The following LRRC37A2 variants were observed in gnomAD, a reference collection of about 807,000 sequenced individuals.
LRRC37A2 encodes leucine-rich repeat-containing protein 37A2.
A neutral mutation model predicts 68.8 loss-of-function variants in LRRC37A2; 9 were observed. The observed-to-expected ratio is 0.13, with a 90% CI of 0.08 to 0.23. The LOEUF (loss-of-function observed/expected upper bound fraction) is 0.23, where lower values mean the gene tolerates loss of function less well. Ranked by LOEUF, LRRC37A2 falls within the 10% of genes least tolerant of loss-of-function variation. LRRC37A2 has a pLI of 1.00. For missense variants in LRRC37A2, 168 were observed against 950.4 expected (o/e 0.18, Z 10.82); for synonymous variants, 63 against 367.6 (o/e 0.17, Z 9.48).
At chr17:46,675,682 G>C in the LRRC37A2 span, among the ~76,000 whole-genome samples, 3 of 135,576 alleles carry the variant, frequency 2.2e-5, no homozygotes, top group Non-Finnish European at 4.5e-5. Context: ...TATTGGTTCT[G>C]TTTGTCTGTT....
intron 11 of LRRC37A2, among the ~76,000 whole-genome samples, chr17:46,552,979 CA>C (rs1205184094): frequency 1.4e-5 from 2 of 142,106 alleles, no homozygotes; most frequent in African/African-American, 5.6e-5. Flanking sequence ...CACTGGAGCC[CA>C]GGAGGTTGAG....
At chr17:46,776,369 T>C in the LRRC37A2 span, among the ~76,000 whole-genome samples, 1 of 152,256 alleles carries the variant, frequency 6.6e-6, no homozygotes, top group Non-Finnish European at 1.5e-5. Flanking sequence ...AGTGATCATA[T>C]AATCCCTGTG....
chr17:46,496,438 T>TA, the LRRC37A2 span, among the ~76,000 whole-genome samples: 1 of 148,622 alleles, frequency 6.7e-6, no homozygotes, highest in Non-Finnish European at 1.5e-5. Flanking sequence ...ACCCCATCTC[T>TA]ACTAAAAAGA....
At chr17:46,993,322 T>G in the LRRC37A2 span, among the ~76,000 whole-genome samples, 1 of 152,180 alleles carries the variant, frequency 6.6e-6, no homozygotes, top group Non-Finnish European at 1.5e-5. Flanking sequence ...AGGTTTTCCT[T>G]GGTGAGGAAG....
At chr17:46,956,839 G>A in the LRRC37A2 span, among the ~76,000 whole-genome samples, 19 of 152,178 alleles carry the variant, frequency 1.2e-4, no homozygotes, top group Admixed American at 7.2e-4. Context: ...CCCGCCCCAA[G>A]ACTAAATCCT....
chr17:46,783,226 T>C, the LRRC37A2 span, among the ~76,000 whole-genome samples: 4 of 152,188 alleles, frequency 2.6e-5, no homozygotes, highest in East Asian at 5.8e-4. Context: ...GATAAAACCA[T>C]GAAGGAGCAG....
chr17:46,963,121 GA>G, the LRRC37A2 span, among the ~76,000 whole-genome samples: 3 of 152,218 alleles, frequency 2.0e-5, no homozygotes, highest in African/African-American at 7.2e-5. Context: ...GCTGAGGGAT[GA>G]AAAACACAAG....
chr17:46,439,385 C>CAAAA, the LRRC37A2 span, among the ~76,000 whole-genome samples: 1 of 137,046 alleles, frequency 7.3e-6, no homozygotes, highest in Non-Finnish European at 1.6e-5. Context: ...TACATAGAGC[C>CAAAA]AAAAAAAAAA....
chr17:47,032,520 G>A, the LRRC37A2 span, among the ~76,000 whole-genome samples: 10 of 152,170 alleles, frequency 6.6e-5, no homozygotes, highest in African/African-American at 2.4e-4. Context: ...GGCTTTGTGT[G>A]CATTGTATCT....
At chr17:46,723,975 G>A in the LRRC37A2 span, among the ~76,000 whole-genome samples, 11 of 151,944 alleles carry the variant, frequency 7.2e-5, no homozygotes, top group Non-Finnish European at 1.3e-4. Flanking sequence ...GACTCTTTAC[G>A]TCCAAGTTCC....
chr17:46,872,677 G>A, the LRRC37A2 span: 5 of 1,613,638 alleles, frequency 3.1e-6, no homozygotes. Context: ...GACCCTGAGG[G>A]ATGCTGCGCA....
At chr17:46,543,727 G>A (rs1190169862) in intron 8 of LRRC37A2, among the ~76,000 whole-genome samples, 1 of 150,932 alleles carries the variant, frequency 6.6e-6, no homozygotes, top group Non-Finnish European at 1.5e-5. Context: ...CCAGATGAAA[G>A]TTATACAGGT....
the LRRC37A2 span, among the ~76,000 whole-genome samples, chr17:46,994,601 G>A: frequency 6.6e-6 from 1 of 152,058 alleles, no homozygotes; most frequent in Non-Finnish European, 1.5e-5. Flanking sequence ...CTAGTCTACA[G>A]TAAAATTTTA....
the LRRC37A2 span, chr17:46,875,032 C>T: frequency 1.2e-6 from 2 of 1,612,564 alleles, no homozygotes; most frequent in African/African-American, 1.3e-5. Flanking sequence ...CGGCAGGCAA[C>T]CTCTAAGCTT....
chr17:46,985,532 A>G, the LRRC37A2 span, among the ~76,000 whole-genome samples: 1 of 152,014 alleles, frequency 6.6e-6, no homozygotes. Flanking sequence ...AAAAAAAAAA[A>G]AAAGAAAATT....
chr17:46,718,529 A>G, the LRRC37A2 span, among the ~76,000 whole-genome samples: 1 of 152,212 alleles, frequency 6.6e-6, no homozygotes, highest in African/African-American at 2.4e-5. Flanking sequence ...ATAACTAAAA[A>G]TTTAAAATTT....
At chr17:46,752,110 T>C in the LRRC37A2 span, among the ~76,000 whole-genome samples, 1 of 152,178 alleles carries the variant, frequency 6.6e-6, no homozygotes, top group Non-Finnish European at 1.5e-5. Context: ...TTGGGATCTG[T>C]ATATTTGTCC....
At chr17:47,022,992 AT>A in the LRRC37A2 span, among the ~76,000 whole-genome samples, 302 of 152,360 alleles carry the variant, frequency 2.0e-3, 1 homozygote, top group African/African-American at 5.5e-3. Context: ...GCCTTCAAAA[AT>A]TTTGTGCCAA....
the LRRC37A2 span, among the ~76,000 whole-genome samples, chr17:46,949,519 GA>G: frequency 1.3e-5 from 2 of 152,284 alleles, no homozygotes; most frequent in South Asian, 4.1e-4. Context: ...CACATTCTAA[GA>G]AGAGCAGGTG....
Sources: gnomAD v4.1 joint callset for allele counts (sites outside exome capture counted in the v4.1 genomes callset) on GRCh38, gnomAD v4.1.1 for gene constraint, MANE v1.5 for transcripts, NCBI Gene and HGNC (gene_info 2026-07-23, HGNC 2026-07-21) for gene names.